Variants in RAD51B observed in about 807,000 individuals in gnomAD.
RAD51B encodes the protein RAD51 paralog B.
RAD51B carries 38 observed loss-of-function variants against 42.2 expected under a neutral mutation model. That is an observed-to-expected ratio of 0.90 (90% CI 0.70 to 1.18). RAD51B has a LOEUF of 1.18. Ranked by LOEUF, RAD51B falls within the 50% of genes most tolerant of loss-of-function variation. RAD51B has a pLI of 0.00. For missense variants in RAD51B, 373 were observed against 400.7 expected (o/e 0.93, Z 0.59); for synonymous variants, 154 against 145.2 (o/e 1.06, Z -0.43).
intron 10 of RAD51B, among the ~76,000 whole-genome samples, chr14:68,525,606 G>C (rs955859999): frequency 6.6e-6 from 1 of 152,114 alleles, no homozygotes; most frequent in East Asian, 1.9e-4. Context: ...CCTGCAATGG[G>C]GTCTCTTCTT....
At chr14:68,549,005 G>C (rs1307720731) in intron 10 of RAD51B, among the ~76,000 whole-genome samples, 1 of 152,178 alleles carries the variant, frequency 6.6e-6, no homozygotes, top group Admixed American at 6.5e-5. Flanking sequence ...GGACCCCTGA[G>C]TGGGTAGGGG....
At chr14:68,597,759 T>C (rs765485667), downstream of RAD51B, among the ~76,000 whole-genome samples, 3 of 149,584 alleles carry the variant, frequency 2.0e-5, no homozygotes, top group Non-Finnish European at 4.4e-5. Context: ...AGTTTACCTA[T>C]GTAACAAACC....
At chr14:67,995,391 AC>A (rs1566564541) in intron 7 of RAD51B, among the ~76,000 whole-genome samples, 19 of 135,948 alleles carry the variant, frequency 1.4e-4, no homozygotes, top group African/African-American at 6.2e-4. Flanking sequence ...CTCAAAAACA[AC>A]AACAACAACA....
chr14:68,284,959 C>G (rs1347385397), intron 7 of RAD51B, among the ~76,000 whole-genome samples: 2 of 152,132 alleles, frequency 1.3e-5, no homozygotes, highest in African/African-American at 4.8e-5. Context: ...CTTTCTGGAC[C>G]TACCCTGTTC....
At chr14:68,281,440 G>A (rs1229775919) in intron 7 of RAD51B, among the ~76,000 whole-genome samples, 1 of 152,194 alleles carries the variant, frequency 6.6e-6, no homozygotes, top group Non-Finnish European at 1.5e-5. Flanking sequence ...GTTGAAGAAA[G>A]TGAGGCACAG....
chr14:68,142,734 G>A (rs1239278852), intron 7 of RAD51B, among the ~76,000 whole-genome samples: 1 of 152,136 alleles, frequency 6.6e-6, no homozygotes, highest in Non-Finnish European at 1.5e-5. Flanking sequence ...GGTTTTTAAT[G>A]CCATGTGTTT....
intron 10 of RAD51B, among the ~76,000 whole-genome samples, chr14:68,601,292 C>CA (rs1488258789): frequency 1.3e-5 from 2 of 152,066 alleles, no homozygotes; most frequent in Non-Finnish European, 2.9e-5. Context: ...GGCCTAGCTG[C>CA]AGAAGGAGGA....
At chr14:68,567,317 T>A (rs187047706) in intron 10 of RAD51B, among the ~76,000 whole-genome samples, 1 of 148,464 alleles carries the variant, frequency 6.7e-6, no homozygotes, top group Non-Finnish European at 1.5e-5. Context: ...AAAAAAAAAA[T>A]TCAACTTTAT....
intron 7 of RAD51B, among the ~76,000 whole-genome samples, chr14:68,234,354 G>C (rs1166985160): frequency 1.3e-5 from 2 of 152,224 alleles, no homozygotes; most frequent in African/African-American, 4.8e-5. Flanking sequence ...ACAATAGTAT[G>C]GGTCAAGAAA....
At chr14:68,375,037 T>G (rs1204345540) in intron 8 of RAD51B, among the ~76,000 whole-genome samples, 1 of 151,592 alleles carries the variant, frequency 6.6e-6, no homozygotes, top group Non-Finnish European at 1.5e-5. Context: ...TCCATCCATT[T>G]CTCCTGCTTG....
At chr14:68,262,487 T>C (rs923918996) in intron 7 of RAD51B, among the ~76,000 whole-genome samples, 6 of 152,190 alleles carry the variant, frequency 3.9e-5, no homozygotes, top group Admixed American at 2.0e-4. Context: ...CACATCCCCA[T>C]GCCCCACTTA....
At chr14:68,282,091 C>G (rs966119677) in intron 7 of RAD51B, among the ~76,000 whole-genome samples, 2 of 152,076 alleles carry the variant, frequency 1.3e-5, no homozygotes, top group African/African-American at 2.4e-5. Context: ...AAGCGATTCT[C>G]CTGCCTCAGC....
downstream of RAD51B, among the ~76,000 whole-genome samples, chr14:68,600,006 A>C (rs1272053832): frequency 6.6e-6 from 1 of 151,814 alleles, no homozygotes; most frequent in Non-Finnish European, 1.5e-5. Context: ...TTCTGACCAA[A>C]CCCCCATCGA....
chr14:68,369,881 G>A lies in RAD51B; in HGVS notation c.854-41543G>A, dbSNP rs2083217796. 2.6e-5 allele frequency among the ~76,000 whole-genome samples: 4 copies of A among 152,050 alleles called. 1 individual carries two copies. In the South Asian group the frequency reaches 8.3e-4, roughly 32 times the overall value. On this transcript the variant is annotated intron_variant, in intron 8 of 10. Coordinates refer to ENST00000471583, the MANE Select transcript of RAD51B (RefSeq NM_133510.4). ...TTTTTCTTGATCTTTCTTCTATTTT[G>A]TGCTGCAAAAACAAACTTCGAGGGG...
At chr14:68,043,638 C>A (rs950410386) in intron 7 of RAD51B, among the ~76,000 whole-genome samples, 1 of 152,174 alleles carries the variant, frequency 6.6e-6, no homozygotes, top group African/African-American at 2.4e-5. Context: ...ACTTCCCTGG[C>A]TTGATCTGCA....
intron 7 of RAD51B, among the ~76,000 whole-genome samples, chr14:68,157,294 A>G (rs147922513): frequency 1.2e-3 from 176 of 152,314 alleles, no homozygotes; most frequent in Middle Eastern, 0.01. Flanking sequence ...AGTGCTATTA[A>G]AAGTTCACTT....
At chr14:68,408,875 G>A (rs2084347443) in intron 8 of RAD51B, among the ~76,000 whole-genome samples, 1 of 152,146 alleles carries the variant, frequency 6.6e-6, no homozygotes, top group Non-Finnish European at 1.5e-5. Flanking sequence ...GCCCCCTTGA[G>A]ATCCTGGATG....
At chr14:68,219,293 A>G (rs1478505288) in intron 7 of RAD51B, among the ~76,000 whole-genome samples, 1 of 152,190 alleles carries the variant, frequency 6.6e-6, no homozygotes, top group African/African-American at 2.4e-5. Context: ...TCTATTCCAT[A>G]GCATTTCTTT....
chr14:68,066,005 CTT>C (rs1373646024), intron 7 of RAD51B, among the ~76,000 whole-genome samples: 1 of 148,434 alleles, frequency 6.7e-6, no homozygotes, highest in East Asian at 1.9e-4. Context: ...GAAAATATGT[CTT>C]GAGGGAATAA....
Sources: gnomAD v4.1 joint callset for allele counts (sites outside exome capture counted in the v4.1 genomes callset) on GRCh38, gnomAD v4.1.1 for gene constraint, MANE v1.5 for transcripts, NCBI Gene and HGNC (gene_info 2026-07-23, HGNC 2026-07-21) for gene names.